Variants in STXBP5L observed in about 807,000 individuals in gnomAD.
STXBP5L encodes the protein syntaxin binding protein 5L.
Under a neutral mutation model 144.5 loss-of-function variants are expected in STXBP5L, and 65 were observed. That is an observed-to-expected ratio of 0.45 (90% CI 0.37 to 0.55). The LOEUF is 0.55. Ranked by LOEUF, STXBP5L falls within the 20% of genes least tolerant of loss-of-function variation. The pLI is 0.00. For synonymous variants in STXBP5L, 505 were observed against 469.6 expected, an observed-to-expected ratio of 1.08 and a Z score of -0.97; for missense variants, 1,298 against 1,405.5, an observed-to-expected ratio of 0.92 and a Z score of 1.22.
intron 18 of STXBP5L, among the ~76,000 whole-genome samples, chr3:121,271,077 C>G (rs1237827197): frequency 1.3e-5 from 2 of 152,278 alleles, no homozygotes; most frequent in African/African-American, 2.4e-5. Context: ...TCTTACTCAT[C>G]AAACTTTCAC....
intron 9 of STXBP5L, among the ~76,000 whole-genome samples, chr3:121,203,699 C>G (rs982382085): frequency 2.6e-5 from 4 of 152,020 alleles, no homozygotes; most frequent in African/African-American, 9.7e-5. Context: ...ATTATTCTTT[C>G]CCACTGAAAT....
intron 3 of STXBP5L, among the ~76,000 whole-genome samples, chr3:121,035,823 A>C (rs1318915453): frequency 6.6e-6 from 1 of 152,102 alleles, no homozygotes; most frequent in African/African-American, 2.4e-5. Context: ...AATCTAGATC[A>C]ATTTAGGGAA....
chr3:121,345,958 T>C (rs1044457356), intron 20 of STXBP5L, among the ~76,000 whole-genome samples: 1 of 152,036 alleles, frequency 6.6e-6, no homozygotes, highest in Non-Finnish European at 1.5e-5. Flanking sequence ...TTCTTTTTAT[T>C]TTATTATTAT....
At chr3:121,408,262 TA>T (rs1364334442) in intron 23 of STXBP5L, among the ~76,000 whole-genome samples, 1 of 151,978 alleles carries the variant, frequency 6.6e-6, no homozygotes, top group Non-Finnish European at 1.5e-5. Context: ...AATAATTACC[TA>T]ATGATTTTAT....
chr3:121,024,006 C>T (rs1945747180), intron 3 of STXBP5L, among the ~76,000 whole-genome samples: 2 of 152,098 alleles, frequency 1.3e-5, no homozygotes, highest in South Asian at 2.1e-4. Flanking sequence ...GATACGCCCG[C>T]CTTGGCCTCC....
chr3:121,201,220 T>C (rs959769516), intron 9 of STXBP5L, among the ~76,000 whole-genome samples: 2 of 152,246 alleles, frequency 1.3e-5, no homozygotes, highest in Non-Finnish European at 2.9e-5. Context: ...CATATATGTT[T>C]AGGATAGTTA....
chr3:121,351,180 C>T (rs933970880), intron 20 of STXBP5L, among the ~76,000 whole-genome samples: 2 of 152,146 alleles, frequency 1.3e-5, no homozygotes, highest in African/African-American at 4.8e-5. Flanking sequence ...TTCTAACAGT[C>T]AGGACCCTCA....
At chr3:121,055,086 T>G (rs1948354035) in intron 5 of STXBP5L, among the ~76,000 whole-genome samples, 1 of 152,172 alleles carries the variant, frequency 6.6e-6, no homozygotes, top group Admixed American at 6.5e-5. Flanking sequence ...TTGAGATAAG[T>G]TTTAATCACA....
intron 22 of STXBP5L, among the ~76,000 whole-genome samples, chr3:121,392,236 C>G (rs2046606885): frequency 6.6e-6 from 1 of 152,222 alleles, no homozygotes; most frequent in Admixed American, 6.5e-5. Context: ...ACATTGTTTG[C>G]CAGTTGCTAT....
chr3:120,928,459 C>G (rs1375414377), intron 2 of STXBP5L, among the ~76,000 whole-genome samples: 1 of 152,084 alleles, frequency 6.6e-6, no homozygotes, highest in African/African-American at 2.4e-5. Flanking sequence ...GGCAAAGTTT[C>G]ACTATGTTGG....
chr3:121,180,612 G>T (rs1286849328), intron 9 of STXBP5L, among the ~76,000 whole-genome samples: 1 of 152,182 alleles, frequency 6.6e-6, no homozygotes, highest in Admixed American at 6.5e-5. Flanking sequence ...AGTGGCTCAG[G>T]CCTGTAATAC....
chr3:121,295,639 C>A (rs1335067268), intron 19 of STXBP5L, among the ~76,000 whole-genome samples: 1 of 152,060 alleles, frequency 6.6e-6, no homozygotes, highest in Non-Finnish European at 1.5e-5. Context: ...GTGAGTCAGA[C>A]AAATAAAACA....
At chr3:121,231,126 G>C (rs560992031) in intron 11 of STXBP5L, among the ~76,000 whole-genome samples, 1 of 152,130 alleles carries the variant, frequency 6.6e-6, no homozygotes, top group African/African-American at 2.4e-5. Context: ...TGGTCCTCTT[G>C]TTTATAATAT....
At chr3:121,073,410 G>A (rs2041889649) in intron 5 of STXBP5L, among the ~76,000 whole-genome samples, 1 of 152,142 alleles carries the variant, frequency 6.6e-6, no homozygotes, top group South Asian at 2.1e-4. Context: ...ATTAACCTTT[G>A]TCCAAATGTG....
intron 3 of STXBP5L, among the ~76,000 whole-genome samples, chr3:121,006,108 G>T (rs1006268200): frequency 1.3e-5 from 2 of 152,112 alleles, no homozygotes; most frequent in Non-Finnish European, 2.9e-5. Flanking sequence ...GGGTATCCTT[G>T]TTAACTTTCT....
chr3:121,384,236 A>G (rs2046377809), intron 22 of STXBP5L, among the ~76,000 whole-genome samples: 1 of 152,168 alleles, frequency 6.6e-6, no homozygotes, highest in Non-Finnish European at 1.5e-5. Flanking sequence ...ATAATAATGG[A>G]AATTACACTA....
intron 3 of STXBP5L, among the ~76,000 whole-genome samples, chr3:120,973,823 T>C (rs1301930383): frequency 6.6e-6 from 1 of 152,128 alleles, no homozygotes; most frequent in Non-Finnish European, 1.5e-5. Context: ...GATAGTTTAC[T>C]GAGAATGATG....
intron 9 of STXBP5L, among the ~76,000 whole-genome samples, chr3:121,191,432 G>A (rs538620366): frequency 3.0e-4 from 46 of 152,290 alleles, no homozygotes; most frequent in Admixed American, 1.4e-3. Flanking sequence ...CCAGGCATTC[G>A]GCAGGCTGAG....
intron 3 of STXBP5L, among the ~76,000 whole-genome samples, chr3:120,979,492 G>A (rs752053609): frequency 6.6e-6 from 1 of 152,132 alleles, no homozygotes; most frequent in Non-Finnish European, 1.5e-5. Context: ...CTGACCCCTT[G>A]TGCTTCCCGA....
Sources: allele counts gnomAD v4.1 joint callset (sites outside exome capture counted in the v4.1 genomes callset), GRCh38; gene constraint gnomAD v4.1.1; transcripts MANE v1.5; gene names NCBI Gene and HGNC (gene_info 2026-07-23, HGNC 2026-07-21).